The following PSMA6 variants were observed in gnomAD, a reference collection of about 807,000 sequenced individuals.
The protein encoded by PSMA6 is proteasome subunit alpha type-6.
For missense variants in PSMA6, 170 were observed against 294.8 expected (o/e 0.58, Z 3.10); for synonymous variants, 88 against 97.7 (o/e 0.90, Z 0.59).
intron 1 of PSMA6, among the ~76,000 whole-genome samples, chr14:35,294,844 T>G (rs528447914): frequency 6.6e-6 from 1 of 152,036 alleles, no homozygotes. Flanking sequence ...AACTTTAGAA[T>G]CCTCCAAAGA....
chr14:35,288,447 G>A (rs1286924156), upstream of PSMA6, among the ~76,000 whole-genome samples: 5 of 152,188 alleles, frequency 3.3e-5, no homozygotes, highest in African/African-American at 4.8e-5. Context: ...GCAATGAGCC[G>A]AGATCGTGCC....
intron 1 of PSMA6, among the ~76,000 whole-genome samples, chr14:35,306,607 C>T (rs536865541): frequency 3.3e-5 from 5 of 151,178 alleles, no homozygotes; most frequent in African/African-American, 7.3e-5. Context: ...AGGACGAGGC[C>T]GAGGCAGGAG....
chr14:35,295,498 C>T (rs1164770399), intron 1 of PSMA6, among the ~76,000 whole-genome samples: 1 of 148,904 alleles, frequency 6.7e-6, no homozygotes, highest in African/African-American at 2.5e-5. Flanking sequence ...GTTGCCCAGG[C>T]TGGAGTGCAA....
intron 1 of PSMA6, among the ~76,000 whole-genome samples, chr14:35,283,073 G>C (rs2051383949): frequency 6.6e-6 from 1 of 151,948 alleles, no homozygotes; most frequent in African/African-American, 2.4e-5. Context: ...TCAAACTCCT[G>C]ACCTCAGGTG....
chr14:35,291,953 A>C (rs1038757574), upstream of PSMA6, among the ~76,000 whole-genome samples: 9 of 152,066 alleles, frequency 5.9e-5, no homozygotes, highest in African/African-American at 2.2e-4. Flanking sequence ...CAGTGCCTAA[A>C]TTTAACGGCT....
intron 3 of PSMA6, chr14:35,310,275 A>G (rs891753574): frequency 7.1e-6 from 3 of 424,322 alleles, no homozygotes; most frequent in Middle Eastern, 4.2e-4. Flanking sequence ...TCGTGCCTCA[A>G]CCTCCCAGGT....
chr14:35,291,429 C>T (rs1382284015), upstream of PSMA6, among the ~76,000 whole-genome samples: 1 of 152,058 alleles, frequency 6.6e-6, no homozygotes. Flanking sequence ...ACCGTGTTAG[C>T]CAGGATGGTC....
At chr14:35,310,118 T>A in intron 3 of PSMA6, 1 of 393,414 alleles carries the variant, frequency 2.5e-6, no homozygotes, top group Non-Finnish European at 4.9e-6. Flanking sequence ...CAAGACCCCA[T>A]CTCTAAAAAA....
At chr14:35,308,229 G>A (rs148428798) in intron 2 of PSMA6, 141 bp downstream of exon 2, 25 of 1,052,026 alleles carry the variant, frequency 2.4e-5, no homozygotes, top group Non-Finnish European at 3.2e-5. Context: ...CTAGACCAGC[G>A]TGACCAACAT....
upstream of PSMA6, among the ~76,000 whole-genome samples, chr14:35,289,132 A>G (rs894307921): frequency 3.3e-5 from 5 of 152,198 alleles, no homozygotes; most frequent in Admixed American, 2.6e-4. Context: ...ATTTAAATTC[A>G]GGTTTAAATA....
chr14:35,291,823 CAAAAAAAAAAAAAA>C (rs113987343), upstream of PSMA6, among the ~76,000 whole-genome samples: 1 of 47,746 alleles, frequency 2.1e-5, no homozygotes, highest in Non-Finnish European at 4.7e-5. Flanking sequence ...AACTCTGTCT[CAAAAAAAAAAAAAA>C]AAAAAAAAAA....
At chr14:35,305,184 C>G (rs1464412116) in intron 1 of PSMA6, among the ~76,000 whole-genome samples, 5 of 151,244 alleles carry the variant, frequency 3.3e-5, no homozygotes, top group Non-Finnish European at 7.4e-5. Flanking sequence ...GCTCTGTTGC[C>G]CAGGCTGGAG....
intron 1 of PSMA6, among the ~76,000 whole-genome samples, chr14:35,303,877 C>T (rs2051767158): frequency 6.6e-6 from 1 of 150,872 alleles, no homozygotes; most frequent in Admixed American, 6.6e-5. Context: ...ATTGTATTAG[C>T]TAGTGTAGTG....
chr14:35,289,746 C>T (rs2051457054), upstream of PSMA6, among the ~76,000 whole-genome samples: 1 of 151,850 alleles, frequency 6.6e-6, no homozygotes, highest in Non-Finnish European at 1.5e-5. Flanking sequence ...ACAGTGAAAC[C>T]TAGTCTCTAA....
chr14:35,301,520 C>T (rs2051711909), intron 1 of PSMA6, among the ~76,000 whole-genome samples: 1 of 149,872 alleles, frequency 6.7e-6, no homozygotes, highest in Non-Finnish European at 1.5e-5. Flanking sequence ...AAAAAAAAAA[C>T]TTTAAAATCC....
chr14:35,288,966 A>AT (rs113689902), upstream of PSMA6, among the ~76,000 whole-genome samples: 230 of 149,724 alleles, frequency 1.5e-3, no homozygotes, highest in Non-Finnish European at 2.9e-3. Context: ...TTTTTTTGCA[A>AT]TTTTTTTTTT....
intron 1 of PSMA6, among the ~76,000 whole-genome samples, chr14:35,300,849 G>T (rs139997664): frequency 6.6e-6 from 1 of 152,176 alleles, no homozygotes; most frequent in Non-Finnish European, 1.5e-5. Flanking sequence ...CAGGTTTGTA[G>T]CTTGAAAAAT....
intron 1 of PSMA6, among the ~76,000 whole-genome samples, chr14:35,282,960 A>G (rs1262510703): frequency 6.6e-6 from 1 of 151,980 alleles, no homozygotes; most frequent in Non-Finnish European, 1.5e-5. Flanking sequence ...CTCCTGCCTC[A>G]GCCTCCTGAG....
intron 1 of PSMA6, among the ~76,000 whole-genome samples, chr14:35,307,702 C>A (rs1183529291): frequency 6.6e-6 from 1 of 152,088 alleles, no homozygotes; most frequent in African/African-American, 2.4e-5. Context: ...CCACTGCACT[C>A]CAGCCTGGGT....
Sources: gnomAD v4.1 joint callset for allele counts (sites outside exome capture counted in the v4.1 genomes callset) on GRCh38, gnomAD v4.1.1 for gene constraint, MANE v1.5 for transcripts, NCBI Gene and HGNC (gene_info 2026-07-23, HGNC 2026-07-21) for gene names.